The following GLDC variants were observed in gnomAD, a reference collection of about 807,000 sequenced individuals.
The protein encoded by GLDC is glycine dehydrogenase (decarboxylating), mitochondrial.
GLDC carries 104 observed loss-of-function variants against 121.3 expected under a neutral mutation model. The ratio of observed to expected loss-of-function variants is 0.86; its 90% CI spans 0.73 to 1.01. The LOEUF (loss-of-function observed/expected upper bound fraction) is 1.01, where lower values mean the gene tolerates loss of function less well. GLDC is among the 50% of genes least tolerant of loss of function. The pLI, the probability that GLDC is intolerant of heterozygous loss-of-function variation, is 0.00. For missense variants in GLDC, 1,429 were observed against 1,306.6 expected (o/e 1.09, Z -1.44); for synonymous variants, 546 against 480.6 (o/e 1.14, Z -1.78).
At chr9:6,607,785 G>A (rs1818765628) in intron 4 of GLDC, among the ~76,000 whole-genome samples, 1 of 151,498 alleles carries the variant, frequency 6.6e-6, no homozygotes, top group South Asian at 2.1e-4. Context: ...ACATAGTTGG[G>A]ACTACGGGCA....
chr9:6,625,082 C>G (rs1242317426), intron 2 of GLDC, among the ~76,000 whole-genome samples: 1 of 152,086 alleles, frequency 6.6e-6, no homozygotes, highest in Non-Finnish European at 1.5e-5. Context: ...AAGTAATCGA[C>G]CCCAATAGCA....
intron 2 of GLDC, among the ~76,000 whole-genome samples, chr9:6,627,490 C>G (rs958587538): frequency 6.6e-6 from 1 of 152,054 alleles, no homozygotes. Context: ...CAGCTTGGGA[C>G]TAATGAGTTT....
intron 15 of GLDC, chr9:6,567,130 A>G (rs1817869889): frequency 6.6e-6 from 1 of 151,690 alleles, no homozygotes; most frequent in South Asian, 2.1e-4. Context: ...AGCTAAAATA[A>G]AAAATAAAAA....
chr9:6,554,886 G>T (rs1480358434), intron 18 of GLDC, 105 bp from the exon 19 acceptor site: 1 of 799,430 alleles, frequency 1.3e-6, no homozygotes, highest in Non-Finnish European at 2.2e-6. Flanking sequence ...CAGAGGAAAA[G>T]CAGGCAGAGC....
At chr9:6,620,837 A>C (rs947958557) in intron 2 of GLDC, among the ~76,000 whole-genome samples, 1 of 152,206 alleles carries the variant, frequency 6.6e-6, no homozygotes, top group Non-Finnish European at 1.5e-5. Flanking sequence ...TAAAAAGGCC[A>C]TCACTCAACA....
rs115836628 is a variant in GLDC at position 6,620,912 on chromosome 9, A to C, written c.335-593T>G. On this transcript the variant is annotated intron_variant, in intron 2 of 24. Coordinates refer to ENST00000321612, the MANE Select transcript of GLDC (RefSeq NM_000170.3). ...GCTGTGAACAGTGGCTCACACCTGC[A>C]ATCCCAGCACTTTGAGAGGCTGAGG... 6.1e-3 allele frequency among the ~76,000 whole-genome samples: 928 copies of C among 152,346 alleles called. 14 individuals are homozygous for C. The highest frequency in any genetic ancestry group is 0.021 in the African/African-American group (888 of 41,582).
intron 15 of GLDC, among the ~76,000 whole-genome samples, chr9:6,569,972 G>T (rs7849131): frequency 0.73 from 110,256 of 152,018 alleles, 39,986 homozygotes; most frequent in Middle Eastern, 0.76. Context: ...TGAGACTCAG[G>T]CTCATGGCCG....
At chr9:6,634,788 G>C (rs1819468147) in intron 2 of GLDC, among the ~76,000 whole-genome samples, 1 of 151,934 alleles carries the variant, frequency 6.6e-6, no homozygotes, top group African/African-American at 2.4e-5. Context: ...TTCCACCAAA[G>C]TTAGACCTGC....
At chr9:6,560,723 C>T (rs1817737720) in intron 16 of GLDC, among the ~76,000 whole-genome samples, 1 of 152,154 alleles carries the variant, frequency 6.6e-6, no homozygotes, top group Admixed American at 6.5e-5. Flanking sequence ...CATATAAAAA[C>T]GTCAACCACC....
chr9:6,620,980 C>T (rs1223841132), intron 2 of GLDC, among the ~76,000 whole-genome samples: 1 of 152,152 alleles, frequency 6.6e-6, no homozygotes, highest in African/African-American at 2.4e-5. Flanking sequence ...CAAGCCTGGG[C>T]AAGGCGGTGA....
At chr9:6,590,619 G>C (rs540328695) in intron 11 of GLDC, among the ~76,000 whole-genome samples, 1 of 152,054 alleles carries the variant, frequency 6.6e-6, no homozygotes, top group African/African-American at 2.4e-5. Flanking sequence ...AGAAGCAAAC[G>C]CTTCTTGCAC....
At chr9:6,564,652 A>C (rs1817819615) in intron 16 of GLDC, among the ~76,000 whole-genome samples, 1 of 152,182 alleles carries the variant, frequency 6.6e-6, no homozygotes, top group Admixed American at 6.5e-5. Flanking sequence ...GGCCATCAAA[A>C]TGAAGGAACC....
At chr9:6,573,532 T>G (rs772794194) in intron 15 of GLDC, among the ~76,000 whole-genome samples, 1 of 151,772 alleles carries the variant, frequency 6.6e-6, no homozygotes, top group African/African-American at 2.4e-5. Flanking sequence ...TGCAGAAGGG[T>G]TATAAAGCAA....
At chr9:6,623,818 G>T (rs1465273870) in intron 2 of GLDC, among the ~76,000 whole-genome samples, 2 of 152,176 alleles carry the variant, frequency 1.3e-5, no homozygotes, top group African/African-American at 4.8e-5. Flanking sequence ...AACATCCCTA[G>T]GAACAATCAT....
chr9:6,636,902 G>A (rs1025745976), intron 2 of GLDC, among the ~76,000 whole-genome samples: 1 of 151,856 alleles, frequency 6.6e-6, no homozygotes, highest in East Asian at 1.9e-4. Context: ...TGACCAATAC[G>A]GTGAAAGCCC....
At chr9:6,627,120 C>G (rs1819259666) in intron 2 of GLDC, among the ~76,000 whole-genome samples, 1 of 151,570 alleles carries the variant, frequency 6.6e-6, no homozygotes, top group Non-Finnish European at 1.5e-5. Context: ...ACGGTGAAAC[C>G]CCATCTCTAC....
At chr9:6,608,329 G>C (rs983968368) in intron 4 of GLDC, among the ~76,000 whole-genome samples, 11 of 151,132 alleles carry the variant, frequency 7.3e-5, no homozygotes, top group African/African-American at 2.7e-4. Flanking sequence ...GGCTGAGGCA[G>C]GAGAATGACG....
rs529580089 is a variant in GLDC at position 6,550,757 on chromosome 9, G to A, written c.2569+46C>T. On this transcript the variant is annotated intron_variant, in intron 21 of 24. Transcript: ENST00000321612. ...GCGCATCTAGGTCAAACTTAGTTTG[G>A]CCAAGAAAAAAACCAAAGTAATGAT... 8 of 1,251,234 alleles carry A rather than the reference G, an allele frequency of 6.4e-6. No homozygotes were observed. The African/African-American group carries it at 1.2e-4, about 18-fold the overall frequency. The allele number at this position is 1,251,234 out of a possible 1,614,324, so 77.5% of individuals were successfully genotyped here. A position where few individuals can be genotyped will look rare whatever the true frequency, so the allele number is the denominator to read the frequency against.
At chr9:6,632,175 A>G (rs1819397114) in intron 2 of GLDC, among the ~76,000 whole-genome samples, 1 of 152,230 alleles carries the variant, frequency 6.6e-6, no homozygotes, top group South Asian at 2.1e-4. Flanking sequence ...ATGTGTTGCA[A>G]TGAAAATTCA....
Sources: gnomAD v4.1 joint callset for allele counts (sites outside exome capture counted in the v4.1 genomes callset) on GRCh38, gnomAD v4.1.1 for gene constraint, MANE v1.5 for transcripts, NCBI Gene and HGNC (gene_info 2026-07-23, HGNC 2026-07-21) for gene names.